The following SLC35F4 variants were observed in gnomAD, a reference collection of about 807,000 sequenced individuals.
SLC35F4 encodes solute carrier family 35 member F4, also known as chromosome 14 open reading frame 36.
Under a neutral mutation model 44.2 loss-of-function variants are expected in SLC35F4, and 24 were observed. That is an observed-to-expected ratio of 0.54 (90% confidence interval 0.39 to 0.76). The LOEUF (loss-of-function observed/expected upper bound fraction) is 0.76, where lower values mean the gene tolerates loss of function less well. Among genes scored for constraint, SLC35F4 ranks in the 30% least tolerant of loss-of-function variants. SLC35F4 has a pLI of 0.00. For missense variants in SLC35F4, 562 were observed against 586.1 expected, an observed-to-expected ratio of 0.96 and a Z score of 0.42; for synonymous variants, 238 against 223.6, an observed-to-expected ratio of 1.06 and a Z score of -0.57.
chr14:57,827,815 A>G (rs1210142000), intron 1 of SLC35F4, among the ~76,000 whole-genome samples: 1 of 150,464 alleles, frequency 6.6e-6, no homozygotes, highest in South Asian at 2.1e-4. Context: ...AAAAAAAAAA[A>G]AACAGTAAAT....
chr14:57,571,959 G>A lies in SLC35F4; in HGVS notation c.868C>T (p.His290Tyr), dbSNP rs1435744386. ...IVMMAYADNF[H>Y]ADSIIGVAFA... ...GCCACTCCTATGATGGAATCAGCGT[G>A]GAAATTATCTGCATATGCCATCATG... Residue 290 changes from histidine (H) to tyrosine (Y), a missense_variant, in exon 5 of 8, where the codon CAC (histidine) becomes TAC (tyrosine). By Grantham distance (83) the His-to-Tyr change is moderately conservative (BLOSUM62 2). Coordinates refer to ENST00000556826, the MANE Select transcript of SLC35F4 (RefSeq NM_001306087.2). The A allele has an allele frequency of 1.2e-6, 2 of 1,612,260 alleles. No homozygotes were observed. Among genetic ancestry groups the A allele is most frequent in the Non-Finnish European group, 1.7e-6 (2 of 1,179,170 alleles).
At chr14:57,678,422 A>T (rs969602385) in intron 1 of SLC35F4, among the ~76,000 whole-genome samples, 3 of 152,122 alleles carry the variant, frequency 2.0e-5, no homozygotes, top group African/African-American at 7.2e-5. Context: ...AAACATGCCA[A>T]TTGTAAAGAT....
intron 1 of SLC35F4, among the ~76,000 whole-genome samples, chr14:57,737,653 T>C (rs1185582608): frequency 2.0e-5 from 3 of 152,194 alleles, no homozygotes; most frequent in African/African-American, 7.2e-5. Context: ...TTCTGACATA[T>C]CCTCTCTCTA....
intron 1 of SLC35F4, among the ~76,000 whole-genome samples, chr14:57,718,727 T>A (rs913110596): frequency 2.0e-5 from 3 of 152,204 alleles, no homozygotes; most frequent in African/African-American, 7.2e-5. Flanking sequence ...GAGCTCCTTA[T>A]ATATTCTTGT....
At chr14:57,674,122 T>C (rs1429540471) in intron 1 of SLC35F4, among the ~76,000 whole-genome samples, 1 of 152,070 alleles carries the variant, frequency 6.6e-6, no homozygotes, top group Non-Finnish European at 1.5e-5. Context: ...TGGGGGTTTA[T>C]TGTGCAGATT....
intron 1 of SLC35F4, among the ~76,000 whole-genome samples, chr14:57,762,407 C>A (rs186925824): frequency 5.1e-4 from 78 of 152,218 alleles, no homozygotes; most frequent in Admixed American, 5.0e-3. Flanking sequence ...TCTTATCTAG[C>A]AGGCTGATTT....
intron 1 of SLC35F4, among the ~76,000 whole-genome samples, chr14:57,777,090 T>C (rs1029084837): frequency 1.4e-4 from 22 of 152,172 alleles, no homozygotes; most frequent in African/African-American, 4.8e-4. Flanking sequence ...AGTCCACACA[T>C]ATCAATACTA....
intron 1 of SLC35F4, among the ~76,000 whole-genome samples, chr14:57,895,173 G>C (rs1888846051): frequency 6.6e-6 from 1 of 152,112 alleles, no homozygotes; most frequent in East Asian, 1.9e-4. Context: ...GCATTTCAGA[G>C]CATAAACTCA....
At chr14:57,773,299 C>T (rs1174983336) in intron 1 of SLC35F4, among the ~76,000 whole-genome samples, 1 of 152,184 alleles carries the variant, frequency 6.6e-6, no homozygotes, top group African/African-American at 2.4e-5. Flanking sequence ...ATGTGCTATG[C>T]AGATGTACTG....
intron 1 of SLC35F4, among the ~76,000 whole-genome samples, chr14:57,848,217 G>C (rs1886207236): frequency 6.6e-6 from 1 of 152,134 alleles, no homozygotes; most frequent in African/African-American, 2.4e-5. Flanking sequence ...CCTGTTTAAG[G>C]AACATTATGG....
chr14:57,629,619 C>T (rs754954584), intron 1 of SLC35F4, among the ~76,000 whole-genome samples: 19 of 151,990 alleles, frequency 1.3e-4, no homozygotes, highest in South Asian at 8.3e-4. Context: ...TTAAAATGTG[C>T]CCATAAATAG....
chr14:57,684,686 TC>T (rs914133842), intron 1 of SLC35F4, among the ~76,000 whole-genome samples: 2 of 152,130 alleles, frequency 1.3e-5, no homozygotes, highest in African/African-American at 4.8e-5. Context: ...CTTCCTGGCC[TC>T]CCTCCTGACA....
intron 1 of SLC35F4, among the ~76,000 whole-genome samples, chr14:57,789,911 T>C (rs2077871098): frequency 6.6e-6 from 1 of 152,218 alleles, no homozygotes; most frequent in Non-Finnish European, 1.5e-5. Flanking sequence ...ATTATCTCCA[T>C]AGATGCAGAA....
At chr14:57,786,639 C>G (rs1198675394) in intron 1 of SLC35F4, among the ~76,000 whole-genome samples, 1 of 152,174 alleles carries the variant, frequency 6.6e-6, no homozygotes, top group East Asian at 1.9e-4. Flanking sequence ...GGTAGACTCA[C>G]TGAGTGGCTA....
chr14:57,691,671 C>T (rs2075234745), intron 1 of SLC35F4, among the ~76,000 whole-genome samples: 1 of 152,034 alleles, frequency 6.6e-6, no homozygotes. Context: ...TTATGTTTTT[C>T]AACTAATATT....
intron 1 of SLC35F4, among the ~76,000 whole-genome samples, chr14:57,950,674 T>C (rs867473479): frequency 8.3e-6 from 1 of 120,924 alleles, no homozygotes; most frequent in Middle Eastern, 4.1e-3. Context: ...TTTCTTTCTT[T>C]CTTTTTTTTT....
chr14:57,857,279 A>G (rs200887349), intron 1 of SLC35F4, among the ~76,000 whole-genome samples: 1 of 151,902 alleles, frequency 6.6e-6, no homozygotes, highest in East Asian at 1.9e-4. Context: ...TTCATCTCAA[A>G]AAAAAAAAGT....
In SLC35F4 at chr14:57,616,062, C is replaced by T. The variant is rs145439296; in HGVS notation, c.104-21938G>A. Among the ~76,000 whole-genome samples the T allele has an allele frequency of 3.4e-3, 522 of 152,298 alleles. 2 individuals are homozygous for T. The highest frequency in any genetic ancestry group is 0.012 in the African/African-American group (479 of 41,574). On this transcript the variant is annotated intron_variant, in intron 1 of 7. Coordinates refer to ENST00000556826, the MANE Select transcript of SLC35F4 (RefSeq NM_001306087.2). ...TCTCTTATGTTTTTATAGTGACAAA[C>T]TGTACATAACTTAAAATTTATCATT... is the stretch of plus-strand genomic sequence containing the variant.
At chr14:57,656,663 G>A (rs2073983772) in intron 1 of SLC35F4, among the ~76,000 whole-genome samples, 1 of 151,992 alleles carries the variant, frequency 6.6e-6, no homozygotes, top group Admixed American at 6.6e-5. Flanking sequence ...GTAAAGTGGG[G>A]ATAACAGGAC....
Sources: gnomAD v4.1 joint callset for allele counts (sites outside exome capture counted in the v4.1 genomes callset) on GRCh38, gnomAD v4.1.1 for gene constraint, MANE v1.5 for transcripts, NCBI Gene and HGNC (gene_info 2026-07-23, HGNC 2026-07-21) for gene names.